The following DNHD1 variants were observed in gnomAD, a reference collection of about 807,000 sequenced individuals.
The protein encoded by DNHD1 is dynein heavy chain domain 1, also known as dynein heavy chain domain-containing protein 1.
In DNHD1, 383 loss-of-function variants were observed where a neutral mutation model predicts 458.1. The ratio of observed to expected loss-of-function variants is 0.84; its 90% confidence interval spans 0.77 to 0.91. DNHD1 has a LOEUF of 0.91. DNHD1 is among the 40% of genes least tolerant of loss of function. DNHD1 has a pLI of 0.00. For missense variants in DNHD1, 5,336 were observed against 5,866.1 expected (o/e 0.91, Z 2.95); for synonymous variants, 2,203 against 2,376.9 (o/e 0.93, Z 2.13).
Position 6,548,473 on chromosome 11 carries a change from A to G in DNHD1, c.7098+71A>G, listed in dbSNP as rs1853269896. The stretch of plus-strand genomic sequence containing the variant: ...TATTTTAGGGGTAATCCATGTTCAA[A>G]GATCAGCTGAGGCCCACTTGCTCCC... On this transcript the variant is annotated intron_variant, in intron 23 of 42. Coordinates refer to ENST00000254579, the MANE Select transcript of DNHD1 (RefSeq NM_144666.3). This position sits in a 1 kb window ranked among gnomAD's most constrained non-coding sequence, Gnocchi z 4.4. 1.3e-6 allele frequency: 2 copies of G among 1,493,596 alleles called. No individual in the cohort carries two copies. Among genetic ancestry groups the G allele is most frequent in the Non-Finnish European group, 1.8e-6 (2 of 1,105,966 alleles). 92.5% of individuals were successfully genotyped at this position (1,493,596 alleles called of 1,614,324 possible).
chr11:6,533,295 T>A, intron 13 of DNHD1, 111 bp downstream of exon 13: 1 of 1,145,334 alleles, frequency 8.7e-7, no homozygotes, highest in Non-Finnish European at 1.2e-6. Context: ...TTGATGCTCT[T>A]AAACTGTGCT....
chr11:6,508,190 C>T (rs575085970), intron 4 of DNHD1: 6 of 152,108 alleles, frequency 3.9e-5, no homozygotes, highest in African/African-American at 1.4e-4. Flanking sequence ...TAACTAGATA[C>T]ACCTATTATA....
rs1222285108 is a variant in DNHD1, at chr11:6,498,956, G to T, written c.741G>T (p.Glu247Asp). The change falls in exon 3 of 43, where the codon GAG becomes GAT. Residue 247 changes from glutamate (E) to aspartate (D), a missense_variant. Glu to Asp is a conservative substitution (Grantham distance 45, BLOSUM62 2). Transcript: ENST00000254579. ...AGGTGGAGCCTGTTGGAAGAAAAGAGACCAGGTAAGTGAGGGACTCAGTCT... is the reference window on the plus strand; with the variant it reads ...AGGTGGAGCCTGTTGGAAGAAAAGATACCAGGTAAGTGAGGGACTCAGTCT... ...NAEVEPVGRKETRSQLDYEVP... is the reference protein window; with the variant it reads ...NAEVEPVGRKDTRSQLDYEVP... 1 of 1,598,348 alleles carries T rather than the reference G, an allele frequency of 6.3e-7. No homozygotes were observed.
chr11:6,531,092 A>C (rs2134409691), intron 12 of DNHD1, among the ~76,000 whole-genome samples: 1 of 152,290 alleles, frequency 6.6e-6, no homozygotes, highest in South Asian at 2.1e-4. Flanking sequence ...CTTAGCATTG[A>C]GTGTGGCATG....
chr11:6,548,041 G>T lies in DNHD1; in HGVS notation c.6905+1G>T. ...GCTTTGGAGCCCACCTTCCCTCCAG[G>T]TACCTACCAGGATGGGGGATGGGAG... is the stretch of plus-strand genomic sequence containing the variant. On this transcript the variant is annotated splice_donor_variant, in intron 22 of 42. Transcript: ENST00000254579. LOFTEE classifies it high-confidence loss of function. The surrounding 1 kb of genome is among the most constrained non-coding windows in gnomAD (Gnocchi z 4.4). The T allele has an allele frequency of 1.3e-6, 2 of 1,551,672 alleles. No homozygotes were observed. Among genetic ancestry groups the T allele is most frequent in the Non-Finnish European group, 1.7e-6 (2 of 1,146,990 alleles).
rs763333770 is a variant in DNHD1, at chr11:6,571,041, T to G, written c.13529T>G (p.Leu4510Arg). Residue 4510 changes from leucine to arginine, a missense_variant, in exon 42 of 43, where the codon CTG becomes CGG. Leu to Arg is a moderately radical substitution (Grantham distance 102). Transcript: ENST00000254579. This position sits in a 1 kb window ranked among gnomAD's most constrained non-coding sequence, Gnocchi z 5.0. ...GACCTTGATTGCCTGTTGCAGCAGC[T>G]GAAGGGCGCACCCCCGTGCCCCTCC... The part of the protein sequence containing the change: ...QRDLDCLLQQ[L>R]KGAPPCPSRR... 1 of 1,581,880 alleles carries G rather than the reference T, an allele frequency of 6.3e-7. No homozygotes were observed. Among genetic ancestry groups the G allele is most frequent in the Non-Finnish European group, 8.6e-7 (1 of 1,161,790 alleles).
At chr11:6,509,332 T>C in intron 6 of DNHD1, 60 bp downstream of exon 6, 1 of 1,428,888 alleles carries the variant, frequency 7.0e-7, no homozygotes, top group Non-Finnish European at 9.6e-7. Context: ...CTAAAGGTAA[T>C]AGTATGTTTG....
rs183484549 is a variant in DNHD1 at position 6,531,141 on chromosome 11, C to T, written c.2348-1886C>T. Among the ~76,000 whole-genome samples the T allele has an allele frequency of 2.3e-4, 35 of 152,152 alleles. 1 individual carries two copies. The South Asian group carries it at 4.4e-3, about 19-fold the overall frequency. ...ATATTTTTTTCATTTCACCTTATCC[C>T]CTTGTATCTACTCTCATCCTTCTTG... is the stretch of plus-strand genomic sequence containing the variant. On this transcript the variant is annotated intron_variant, in intron 12 of 42. Transcript: ENST00000254579.
intron 10 of DNHD1, chr11:6,520,886 T>G (rs565618014): frequency 2.0e-6 from 2 of 982,148 alleles, no homozygotes; most frequent in Non-Finnish European, 2.4e-6. Context: ...TCGTCCATAC[T>G]TTTTAATTTC....
Position 6,571,255 on chromosome 11 carries a change from C to A in DNHD1, c.13743C>A (p.Phe4581Leu). 6.2e-7 allele frequency: 1 copy of A among 1,612,658 alleles called. No homozygotes were observed. Among genetic ancestry groups the A allele is most frequent in the Non-Finnish European group, 8.5e-7 (1 of 1,179,710 alleles). ...DASSDVPERV[F>L]HLSAFRHPRR... ...GCAGTGATGTACCAGAGCGCGTCTT[C>A]CACCTGTCAGCCTTTCGCCACCCGC... Residue 4581 changes from phenylalanine (F) to leucine (L), a missense_variant, in exon 42 of 43, where the codon TTC becomes TTA. Physicochemically the swap from Phe to Leu is conservative, Grantham distance 22 (BLOSUM62 0). Transcript: ENST00000254579. This position sits in a 1 kb window ranked among gnomAD's most constrained non-coding sequence, Gnocchi z 5.0.
chr11:6,524,532 C>A (rs950248118), intron 10 of DNHD1, among the ~76,000 whole-genome samples: 15 of 152,090 alleles, frequency 9.9e-5, no homozygotes, highest in Admixed American at 9.8e-4. Context: ...TTTTCCTGTC[C>A]GTGAGACTGA....
chr11:6,532,829 C>T (rs904004174), intron 12 of DNHD1, among the ~76,000 whole-genome samples, 198 bp from the exon 13 acceptor site: 1 of 152,154 alleles, frequency 6.6e-6, no homozygotes, highest in African/African-American at 2.4e-5. Flanking sequence ...CATTCATTTG[C>T]TCTCGTCTAC....
chr11:6,567,766 A>G lies in DNHD1; in HGVS notation c.12257A>G (p.Gln4086Arg). ...TMPFKHSQATQPMLILLPPPG... is the reference protein window; with the variant it reads ...TMPFKHSQATRPMLILLPPPG... Reference sequence around the variant, plus strand: ...CCCTTTAAACATAGTCAGGCTACTCAGCCCATGCTGATCTTGTTGCCACCG... The same window carrying G: ...CCCTTTAAACATAGTCAGGCTACTCGGCCCATGCTGATCTTGTTGCCACCG... The change falls in exon 36 of 43, where the codon CAG becomes CGG. Residue 4086 changes from glutamine to arginine, a missense_variant. Gln to Arg is a conservative substitution (Grantham distance 43). Around this residue, in one of 4 missense-constraint regions of DNHD1, gnomAD observed 695 missense variants for 804.2 expected, o/e 0.86. Transcript: ENST00000254579. The G allele has an allele frequency of 6.2e-7, 1 of 1,613,982 alleles. No homozygotes were observed. Among genetic ancestry groups the G allele is most frequent in the Non-Finnish European group, 8.5e-7 (1 of 1,179,898 alleles).
Position 6,547,688 on chromosome 11 carries a change from T to C in DNHD1, c.6727+22T>C, listed in dbSNP as rs2134432574. The C allele has an allele frequency of 4.0e-6, 6 of 1,507,476 alleles. No homozygotes were observed. In the South Asian group the frequency reaches 7.8e-5, roughly 20 times the overall value. The allele number at this position is 1,507,476 out of a possible 1,614,324, so 93.4% of individuals were successfully genotyped here. ...CCAGGTGGGAAGATGGACGGGCTGG[T>C]TTGAGAGAGATGGGGCCTTAAGGGT... On this transcript the variant is annotated intron_variant, in intron 21 of 42. Coordinates refer to ENST00000254579, the MANE Select transcript of DNHD1 (RefSeq NM_144666.3).
At chr11:6,526,948 T>C (rs1474465363) in intron 10 of DNHD1, among the ~76,000 whole-genome samples, 5 of 152,248 alleles carry the variant, frequency 3.3e-5, no homozygotes, top group Admixed American at 6.5e-5. Context: ...TGCTTCATTG[T>C]TTCCCTCTGC....
chr11:6,528,508 C>T lies in DNHD1; in HGVS notation c.1838-14C>T. ...GAGGGTACTCACGGACAATTATGGC[C>T]TGTGCTCCACTAGAAGAAGATGAAG... On this transcript the variant is annotated splice_polypyrimidine_tract_variant and intron_variant, in intron 10 of 42. Transcript: ENST00000254579. 1.3e-6 allele frequency: 2 copies of T among 1,545,432 alleles called. No individual in the cohort carries two copies. Among genetic ancestry groups the T allele is most frequent in the East Asian group, 2.5e-5 (1 of 40,768 alleles).
At chr11:6,514,883 T>A (rs570345084) in intron 7 of DNHD1, among the ~76,000 whole-genome samples, 9 of 152,268 alleles carry the variant, frequency 5.9e-5, no homozygotes, top group Non-Finnish European at 1.0e-4. Flanking sequence ...GGCTGGGAAG[T>A]CCAAGAGCAT....
intron 30 of DNHD1, 51 bp downstream of exon 30, chr11:6,563,615 A>G (rs1223044831): frequency 6.5e-7 from 1 of 1,547,240 alleles, no homozygotes; most frequent in Non-Finnish European, 8.7e-7. Flanking sequence ...ATAAAGGGAC[A>G]CTTGGCAAGG....
In DNHD1 at chr11:6,519,548, C is replaced by G. The variant is rs1852560488; in HGVS notation, c.1393-52C>G. ...AGAGTTTGCACAGACTAGTGGGTGG[C>G]TGGTTTGCTCTCCATCCCCCTATCT... On this transcript the variant is annotated intron_variant, in intron 7 of 42. Transcript: ENST00000254579. The G allele has an allele frequency of 1.9e-6, 3 of 1,600,236 alleles. No individual in the cohort carries two copies. In the South Asian group the frequency reaches 3.4e-5, roughly 18 times the overall value.
Sources: gnomAD v4.1 joint callset for allele counts (sites outside exome capture counted in the v4.1 genomes callset) on GRCh38, gnomAD v4.1.1 for gene constraint, gnomAD v4.1.1 regional missense constraint, Gnocchi (gnomAD v3.1) non-coding constraint, MANE v1.5 for transcripts, NCBI Gene and HGNC (gene_info 2026-07-23, HGNC 2026-07-21) for gene names.